Variants in UNC80 observed in about 807,000 individuals in gnomAD.
The protein encoded by UNC80 is unc-80 subunit of NALCN channel complex.
UNC80 carries 164 observed loss-of-function variants against 384.6 expected under a neutral mutation model. That is an observed-to-expected ratio of 0.43 (90% confidence interval 0.38 to 0.49). The LOEUF (loss-of-function observed/expected upper bound fraction) is 0.49, where lower values mean the gene tolerates loss of function less well. UNC80 is among the 20% of genes least tolerant of loss of function. UNC80 has a pLI of 0.00. For synonymous variants in UNC80, 1,486 were observed against 1,527.8 expected (o/e 0.97, Z 0.64); for missense variants, 3,330 against 4,143.0 (o/e 0.80, Z 5.39).
At chr2:209,795,000 G>A (rs996715861) in intron 7 of UNC80, 9 of 323,338 alleles carry the variant, frequency 2.8e-5, no homozygotes, top group Non-Finnish European at 5.4e-5. Context: ...TGGGTAACAG[G>A]CAGAGATTGG....
At chr2:209,829,154 G>T in intron 14 of UNC80, 78 bp from the exon 15 acceptor site, 1 of 1,504,844 alleles carries the variant, frequency 6.6e-7, no homozygotes, top group African/African-American at 1.4e-5. Context: ...GCCTTCTGAA[G>T]GCTTCTGTCT....
intron 22 of UNC80, among the ~76,000 whole-genome samples, chr2:209,855,444 A>G (rs191563401): frequency 6.6e-6 from 1 of 152,356 alleles, no homozygotes; most frequent in Non-Finnish European, 1.5e-5. Flanking sequence ...CATCCTGGGC[A>G]TGTACCCAAG....
At chr2:209,987,130 G>T (rs2093305559) in intron 61 of UNC80, among the ~76,000 whole-genome samples, 2 of 152,170 alleles carry the variant, frequency 1.3e-5, no homozygotes, top group Non-Finnish European at 2.9e-5. Context: ...CTGCTCCCAT[G>T]CTCTTACAAC....
intron 4 of UNC80, among the ~76,000 whole-genome samples, chr2:209,778,896 G>A (rs1484015166): frequency 6.6e-6 from 1 of 152,052 alleles, no homozygotes; most frequent in African/African-American, 2.4e-5. Context: ...CACCATGAAG[G>A]GAACAGACTA....
chr2:209,790,435 T>C (rs2077724545), intron 6 of UNC80, among the ~76,000 whole-genome samples: 1 of 152,222 alleles, frequency 6.6e-6, no homozygotes, highest in African/African-American at 2.4e-5. Flanking sequence ...GTACAGACGC[T>C]GTGATTTGTA....
intron 23 of UNC80, among the ~76,000 whole-genome samples, chr2:209,875,761 C>T (rs1372280059): frequency 6.6e-6 from 1 of 152,192 alleles, no homozygotes; most frequent in Non-Finnish European, 1.5e-5. Flanking sequence ...CGAATGTCTG[C>T]TCTCCCCATT....
intron 7 of UNC80, chr2:209,808,795 T>TATGCG: frequency 3.2e-6 from 1 of 312,724 alleles, no homozygotes; most frequent in Admixed American, 4.2e-5. Flanking sequence ...CCTCGTTGCC[T>TATGCG]CTGCCACCAT....
In UNC80 at chr2:209,831,636, C is replaced by T. The variant is rs534609822; in HGVS notation, c.2775+45C>T. The T allele has an allele frequency of 3.7e-5, 54 of 1,456,808 alleles. No individual in the cohort carries two copies. In the African/African-American group the frequency reaches 7.6e-4, roughly 21 times the overall value. 90.2% of individuals were successfully genotyped at this position (1,456,808 alleles called of 1,614,324 possible). On this transcript the variant is annotated intron_variant, in intron 16 of 64. Transcript: ENST00000673920. ...TCCCACAGGAGCTCTCAGTCTCTGC[C>T]CTGAGAAAAGTACTCATTGTCGTGG...
In UNC80 at chr2:209,815,281, G is replaced by A. The variant is rs1418039542; in HGVS notation, c.1225G>A (p.Glu409Lys). 5 of 1,551,632 alleles carry A rather than the reference G, an allele frequency of 3.2e-6. No homozygotes were observed. The highest frequency in any genetic ancestry group is 2.4e-5 in the South Asian group (2 of 84,056). Residue 409 changes from glutamate to lysine, a missense_variant, in exon 9 of 65, where the codon GAG (glutamate) becomes AAG (lysine). Around this residue, in one of 8 missense-constraint regions of UNC80, gnomAD observed 937 missense variants for 1,026.8 expected, o/e 0.91. Coordinates refer to ENST00000673920, the MANE Select transcript of UNC80 (RefSeq NM_001371986.1). ...TQDLTMKCNE[E>K]EKSLSSEAFS... ...GGATCTCACCATGAAGTGTAACGAGGAGGAAAAATCTCTTAGCTCTGAGGC... is the reference window on the plus strand; with the variant it reads ...GGATCTCACCATGAAGTGTAACGAGAAGGAAAAATCTCTTAGCTCTGAGGC...
At chr2:209,794,451 C>G (rs572007547) in intron 7 of UNC80, among the ~76,000 whole-genome samples, 3 of 152,250 alleles carry the variant, frequency 2.0e-5, no homozygotes, top group African/African-American at 7.2e-5. Context: ...CTGTATATCC[C>G]TACTTTCAAA....
intron 33 of UNC80, among the ~76,000 whole-genome samples, chr2:209,920,284 A>G (rs1260564763): frequency 6.6e-6 from 1 of 152,240 alleles, no homozygotes; most frequent in Non-Finnish European, 1.5e-5. Context: ...CCTGTAGAAG[A>G]GTAATCAACA....
chr2:209,816,262 G>T (rs190190372), intron 9 of UNC80, among the ~76,000 whole-genome samples: 1 of 152,306 alleles, frequency 6.6e-6, no homozygotes, highest in East Asian at 1.9e-4. Context: ...CTGAAGGTAG[G>T]CTAAGGAATT....
At chr2:209,853,176 A>G (rs993451572) in intron 22 of UNC80, among the ~76,000 whole-genome samples, 3 of 152,090 alleles carry the variant, frequency 2.0e-5, no homozygotes, top group Non-Finnish European at 4.4e-5. Flanking sequence ...TCATATTTCA[A>G]TCTTGCATTT....
chr2:209,847,636 C>A (rs2082261233), intron 21 of UNC80, among the ~76,000 whole-genome samples: 1 of 151,912 alleles, frequency 6.6e-6, no homozygotes, highest in Non-Finnish European at 1.5e-5. Context: ...GAAATTCTTG[C>A]AATTAAAATG....
intron 22 of UNC80, among the ~76,000 whole-genome samples, chr2:209,857,187 C>T (rs1424591368): frequency 2.6e-5 from 4 of 152,102 alleles, no homozygotes; most frequent in African/African-American, 7.2e-5. Flanking sequence ...CGAGGCTCTT[C>T]GTTCTTCCAC....
At chr2:209,875,874 T>C (rs1317963269) in intron 23 of UNC80, among the ~76,000 whole-genome samples, 1 of 152,148 alleles carries the variant, frequency 6.6e-6, no homozygotes, top group Non-Finnish European at 1.5e-5. Context: ...TATTTCTTTA[T>C]TTTTTTATTT....
At chr2:209,921,853 T>G (rs937095024) in intron 34 of UNC80, among the ~76,000 whole-genome samples, 167 bp downstream of exon 34, 3 of 152,236 alleles carry the variant, frequency 2.0e-5, no homozygotes, top group African/African-American at 7.2e-5. Flanking sequence ...TTCTGAAGTT[T>G]AGAGTTAGCC....
intron 51 of UNC80, among the ~76,000 whole-genome samples, chr2:209,963,400 A>T (rs2092654009): frequency 6.6e-6 from 1 of 152,214 alleles, no homozygotes; most frequent in Non-Finnish European, 1.5e-5. Context: ...TGGGAAAGGG[A>T]AATTTTGTTT....
intron 47 of UNC80, chr2:209,951,341 A>G (rs746946644): frequency 6.6e-6 from 1 of 150,714 alleles, no homozygotes; most frequent in Non-Finnish European, 1.5e-5. Context: ...TCTGTCGCCC[A>G]GGCTGGAGTG....
Sources: allele counts gnomAD v4.1 joint callset (sites outside exome capture counted in the v4.1 genomes callset), GRCh38; gene constraint gnomAD v4.1.1; regional missense constraint gnomAD v4.1.1; transcripts MANE v1.5; gene names NCBI Gene and HGNC (gene_info 2026-07-23, HGNC 2026-07-21).